EDIL3: variants seen among roughly 807,000 people sequenced by gnomAD.
EDIL3 encodes EGF-like repeat and discoidin I-like domain-containing protein 3.
EDIL3 carries 37 observed loss-of-function variants against 67.4 expected under a neutral mutation model. The observed-to-expected ratio is 0.55, with a 90% CI of 0.42 to 0.72. The LOEUF is 0.72. EDIL3 is among the 30% of genes least tolerant of loss of function. The probability of loss-of-function intolerance (pLI) is 0.00; values close to 1 mark genes in which losing one functional copy is unlikely to be tolerated. For missense variants in EDIL3, 527 were observed against 586.3 expected (o/e 0.90, Z 1.04); for synonymous variants, 195 against 196.3 (o/e 0.99, Z 0.05).
intron 1 of EDIL3, among the ~76,000 whole-genome samples, chr5:84,255,934 C>T (rs983126632): frequency 3.3e-5 from 5 of 151,900 alleles, no homozygotes; most frequent in Non-Finnish European, 7.4e-5. Flanking sequence ...TTAAAAAGTG[C>T]CATTGTAATT....
chr5:84,308,726 T>C (rs1453525329), intron 1 of EDIL3, among the ~76,000 whole-genome samples: 1 of 152,228 alleles, frequency 6.6e-6, no homozygotes, highest in Non-Finnish European at 1.5e-5. Context: ...AGTCATAATG[T>C]TATGTGTAAA....
intron 6 of EDIL3, among the ~76,000 whole-genome samples, chr5:84,090,541 A>T (rs1305148575): frequency 6.6e-6 from 1 of 152,122 alleles, no homozygotes; most frequent in Non-Finnish European, 1.5e-5. Flanking sequence ...CCTAAATAAG[A>T]AACTTTAAGG....
intron 10 of EDIL3, among the ~76,000 whole-genome samples, chr5:83,958,278 G>C (rs1744549799): frequency 6.6e-6 from 1 of 151,468 alleles, no homozygotes; most frequent in South Asian, 2.1e-4. Flanking sequence ...CATCTCCAGA[G>C]AGTCTGAAGC....
chr5:84,113,138 C>A (rs925847669), intron 5 of EDIL3, among the ~76,000 whole-genome samples: 4 of 152,120 alleles, frequency 2.6e-5, no homozygotes, highest in Non-Finnish European at 5.9e-5. Context: ...CCATTGTTAC[C>A]TCTAGAGAGG....
rs573904983 is a variant in EDIL3, at chr5:84,332,908, C to A, written c.67+51400G>T. The stretch of plus-strand genomic sequence containing the variant: ...ACCTTTTGAAATTGAGATTGAGAGA[C>A]ATTAGTAGTTTTTGACAGGGGAAAA... On this transcript the variant is annotated intron_variant, in intron 1 of 10. Coordinates refer to ENST00000296591, the MANE Select transcript of EDIL3 (RefSeq NM_005711.5). Among the ~76,000 whole-genome samples the A allele has an allele frequency of 6.6e-5, 10 of 152,292 alleles. No homozygotes were observed. The South Asian group carries it at 2.1e-3, about 32-fold the overall frequency.
intron 1 of EDIL3, among the ~76,000 whole-genome samples, chr5:84,272,209 A>C (rs893239764): frequency 2.6e-5 from 4 of 152,074 alleles, no homozygotes; most frequent in African/African-American, 9.7e-5. Context: ...AGGGCTTAAA[A>C]ATCCAGAAAC....
chr5:83,942,570 C>A lies in EDIL3; in HGVS notation c.*849G>T, dbSNP rs1042914888. On this transcript the variant is annotated 3_prime_UTR_variant, in exon 11 of 11. Transcript: ENST00000296591. The stretch of plus-strand genomic sequence containing the variant: ...CATATATATTTTTTGTTCTTTTGTG[C>A]AAACTGAGAGTATGGGATTCTTTAT... 2.0e-5 allele frequency: 3 copies of A among 151,850 alleles called. No homozygotes were observed. The highest frequency in any genetic ancestry group is 4.4e-5 in the Non-Finnish European group (3 of 67,914). 9.4% of individuals were successfully genotyped at this position (151,850 alleles called of 1,614,324 possible).
At chr5:84,245,656 A>C (rs1531258) in intron 2 of EDIL3, among the ~76,000 whole-genome samples, 1 of 151,926 alleles carries the variant, frequency 6.6e-6, no homozygotes, top group East Asian at 1.9e-4. Flanking sequence ...ACATAGTATC[A>C]TATAAGTGAT....
intron 6 of EDIL3, among the ~76,000 whole-genome samples, chr5:84,097,931 A>G (rs528029469): frequency 6.6e-5 from 10 of 152,212 alleles, no homozygotes; most frequent in Admixed American, 3.9e-4. Flanking sequence ...CACTTGTTAT[A>G]ATCCAAGACA....
intron 9 of EDIL3, among the ~76,000 whole-genome samples, chr5:84,024,138 T>C (rs1220893275): frequency 2.0e-5 from 3 of 152,158 alleles, no homozygotes; most frequent in African/African-American, 7.2e-5. Flanking sequence ...GTATACTTCA[T>C]TCTTAATTGG....
chr5:84,282,787 T>C (rs980920738), intron 1 of EDIL3, among the ~76,000 whole-genome samples: 4 of 152,250 alleles, frequency 2.6e-5, no homozygotes, highest in Admixed American at 6.5e-5. Flanking sequence ...ATCATATCAA[T>C]GCATTGTTTT....
At chr5:84,176,195 TATA>T (rs1202959914) in intron 4 of EDIL3, among the ~76,000 whole-genome samples, 47 of 28,612 alleles carry the variant, frequency 1.6e-3, no homozygotes, top group African/African-American at 8.2e-3. Flanking sequence ...TATATATATA[TATA>T]ATATATATAT....
intron 4 of EDIL3, among the ~76,000 whole-genome samples, chr5:84,147,901 C>A (rs1468629668): frequency 2.0e-5 from 3 of 152,046 alleles, no homozygotes; most frequent in Non-Finnish European, 4.4e-5. Context: ...CTATTATACA[C>A]AGATACATGT....
chr5:84,167,976 T>C (rs1170402459), intron 4 of EDIL3, among the ~76,000 whole-genome samples: 2 of 152,216 alleles, frequency 1.3e-5, no homozygotes, highest in Non-Finnish European at 2.9e-5. Flanking sequence ...CATTTGGAAA[T>C]ATTTCAATTT....
At chr5:84,016,362 C>T (rs1745607600) in intron 9 of EDIL3, among the ~76,000 whole-genome samples, 1 of 152,134 alleles carries the variant, frequency 6.6e-6, no homozygotes, top group Non-Finnish European at 1.5e-5. Flanking sequence ...CATCTCACTT[C>T]TTTCTTTTCT....
At chr5:84,141,894 T>C (rs1212772069) in intron 4 of EDIL3, among the ~76,000 whole-genome samples, 1 of 142,924 alleles carries the variant, frequency 7.0e-6, no homozygotes, top group Non-Finnish European at 1.5e-5. Flanking sequence ...CTCCAGTAAT[T>C]GACAAACTAC....
At position 84,005,997 on chromosome 5, in the gene EDIL3, C is replaced by T. The variant is rs542558478; in HGVS notation, c.1138-42637G>A. 6.6e-5 allele frequency among the ~76,000 whole-genome samples: 10 copies of T among 151,656 alleles called. 1 individual carries two copies. In the South Asian group the frequency reaches 1.9e-3, roughly 28 times the overall value. On this transcript the variant is annotated intron_variant, in intron 9 of 10. Transcript: ENST00000296591. ...TGTTTCAGGACACAAAATCAATGTA[C>T]AAATATCAGTAGCATTTCTACACAC...
chr5:84,110,694 T>C (rs1747547051), intron 5 of EDIL3, among the ~76,000 whole-genome samples: 1 of 152,220 alleles, frequency 6.6e-6, no homozygotes, highest in Non-Finnish European at 1.5e-5. Flanking sequence ...TTGTAAAAGA[T>C]GACTGTGTAA....
intron 9 of EDIL3, among the ~76,000 whole-genome samples, chr5:84,055,596 T>A (rs1375145443): frequency 6.6e-6 from 1 of 151,588 alleles, no homozygotes; most frequent in African/African-American, 2.4e-5. Flanking sequence ...TACAAAGAAC[T>A]CAAACAAATT....
Sources: gnomAD v4.1 joint callset for allele counts (sites outside exome capture counted in the v4.1 genomes callset) on GRCh38, gnomAD v4.1.1 for gene constraint, MANE v1.5 for transcripts, NCBI Gene and HGNC (gene_info 2026-07-23, HGNC 2026-07-21) for gene names.